The following MYO16 variants were observed in gnomAD, a reference collection of about 807,000 sequenced individuals.
MYO16 encodes the protein unconventional myosin-XVI.
A neutral mutation model predicts 205.3 loss-of-function variants in MYO16; 94 were observed. The ratio of observed to expected loss-of-function variants is 0.46; its 90% CI spans 0.39 to 0.54. The LOEUF is 0.54. Among genes scored for constraint, MYO16 ranks in the 20% least tolerant of loss-of-function variants. MYO16 has a pLI of 0.00. For synonymous variants in MYO16, 988 were observed against 954.0 expected (o/e 1.04, Z -0.66); for missense variants, 2,315 against 2,387.5 (o/e 0.97, Z 0.63).
intron 16 of MYO16, among the ~76,000 whole-genome samples, chr13:108,936,145 C>A (rs982505336): frequency 7.4e-6 from 1 of 134,946 alleles, no homozygotes; most frequent in African/African-American, 2.8e-5. Flanking sequence ...TCCTTCCTTC[C>A]TTCTTTCCTT....
At chr13:108,695,141 T>C (rs1883041364) in intron 2 of MYO16, among the ~76,000 whole-genome samples, 1 of 152,298 alleles carries the variant, frequency 6.6e-6, no homozygotes, top group Non-Finnish European at 1.5e-5. Context: ...AAACAGAGTA[T>C]TAGAGTTTAA....
intron 9 of MYO16, among the ~76,000 whole-genome samples, chr13:108,826,951 A>G (rs1283422431): frequency 6.6e-6 from 1 of 152,166 alleles, no homozygotes; most frequent in Non-Finnish European, 1.5e-5. Context: ...TCAAATGGTG[A>G]GGCAGTGATG....
At chr13:109,003,670 A>G (rs1056624797) in intron 21 of MYO16, among the ~76,000 whole-genome samples, 2 of 152,216 alleles carry the variant, frequency 1.3e-5, no homozygotes, top group African/African-American at 4.8e-5. Context: ...CTTTGATTAA[A>G]CCAGGGGATC....
intron 7 of MYO16, among the ~76,000 whole-genome samples, chr13:108,807,294 CATT>C (rs1168053348): frequency 6.6e-6 from 1 of 151,860 alleles, no homozygotes; most frequent in Non-Finnish European, 1.5e-5. Context: ...AGAGACTAAT[CATT>C]ATGTAAAATA....
intron 23 of MYO16, 81 bp from the exon 24 acceptor site, chr13:109,046,835 G>A (rs1355651124): frequency 3.9e-5 from 46 of 1,178,934 alleles, no homozygotes; most frequent in Non-Finnish European, 5.4e-5. Context: ...AACTTCAGCT[G>A]GGTCAAGTTA....
At chr13:108,953,066 C>T (rs1410607411) in intron 16 of MYO16, among the ~76,000 whole-genome samples, 1 of 151,974 alleles carries the variant, frequency 6.6e-6, no homozygotes, top group Non-Finnish European at 1.5e-5. Flanking sequence ...CATTACCCAC[C>T]ATTATTCTTA....
intron 16 of MYO16, among the ~76,000 whole-genome samples, chr13:108,935,458 A>G (rs1450732765): frequency 6.6e-6 from 1 of 152,134 alleles, no homozygotes; most frequent in Non-Finnish European, 1.5e-5. Context: ...TTTTCTACAT[A>G]ACTTTCATAT....
At chr13:109,115,967 AAAC>A (rs142590391) in intron 28 of MYO16, among the ~76,000 whole-genome samples, 12,062 of 151,230 alleles carry the variant, frequency 0.08, 958 homozygotes, top group East Asian at 0.43. Context: ...CATCTCAAAA[AAAC>A]AAACAAACAA....
intron 2 of MYO16, among the ~76,000 whole-genome samples, chr13:108,703,957 TAAG>T (rs1308181277): frequency 4.6e-5 from 7 of 152,152 alleles, no homozygotes; most frequent in Non-Finnish European, 1.5e-5. Context: ...ACTGGTGTTT[TAAG>T]AAGAACAAGT....
chr13:108,583,957 T>G, the MYO16 span, among the ~76,000 whole-genome samples: 1 of 152,178 alleles, frequency 6.6e-6, no homozygotes, highest in Non-Finnish European at 1.5e-5. Context: ...AAGTAGTTTT[T>G]TGTTTTTTGT....
At chr13:108,548,124 G>T in the MYO16 span, among the ~76,000 whole-genome samples, 3 of 151,848 alleles carry the variant, frequency 2.0e-5, no homozygotes, top group Non-Finnish European at 4.4e-5. Flanking sequence ...TAGCTCGTTT[G>T]TTTTGAGGAT....
chr13:108,681,657 T>C (rs1882468123), intron 2 of MYO16, among the ~76,000 whole-genome samples: 1 of 152,052 alleles, frequency 6.6e-6, no homozygotes, highest in Admixed American at 6.6e-5. Flanking sequence ...ACTCTGCTAG[T>C]AGTGCTGTTC....
intron 16 of MYO16, among the ~76,000 whole-genome samples, chr13:108,957,383 C>CAAAAAAAAAAAA (rs33954239): frequency 2.1e-5 from 2 of 96,938 alleles, no homozygotes; most frequent in African/African-American, 4.3e-5. Context: ...AACTCCATCT[C>CAAAAAAAAAAAA]AAAAAAAAAA....
At chr13:108,986,476 G>C (rs1884638197) in intron 20 of MYO16, among the ~76,000 whole-genome samples, 1 of 151,806 alleles carries the variant, frequency 6.6e-6, no homozygotes, top group Non-Finnish European at 1.5e-5. Context: ...AACAAAATTA[G>C]CTGTGTGTGG....
the MYO16 span, among the ~76,000 whole-genome samples, chr13:108,570,019 C>T: frequency 6.6e-6 from 1 of 152,026 alleles, no homozygotes; most frequent in Non-Finnish European, 1.5e-5. Flanking sequence ...CAAATGTTCC[C>T]GGATTTCATA....
the MYO16 span, among the ~76,000 whole-genome samples, chr13:108,570,397 C>T: frequency 2.6e-5 from 4 of 152,104 alleles, no homozygotes; most frequent in African/African-American, 9.7e-5. Context: ...TACAAGTGTG[C>T]ACCACCATAG....
At chr13:108,777,182 G>A (rs566125383) in intron 4 of MYO16, among the ~76,000 whole-genome samples, 2 of 151,976 alleles carry the variant, frequency 1.3e-5, no homozygotes, top group African/African-American at 2.4e-5. Context: ...GAGGGGCACC[G>A]GGATTGAATC....
Position 109,140,874 on chromosome 13 carries a change from G to C in MYO16, c.4662G>C (p.Pro1554=), listed in dbSNP as rs767471757. Residue 1554 remains proline, a synonymous_variant, in exon 32 of 35, where the codon CCG becomes CCC. Coordinates refer to ENST00000457511, the MANE Select transcript of MYO16 (RefSeq NM_001198950.3). This position sits in a 1 kb window ranked among gnomAD's most constrained non-coding sequence, Gnocchi z 8.0. ...CCAACCTCAAGTACCCCGTGCAGCC[G>C]GAGGGGTCGAGCCCGCTGTCCCCGC... ...LETNLKYPVQ[P]EGSSPLSPQY... The C allele has an allele frequency of 1.2e-5, 19 of 1,595,742 alleles. No individual in the cohort carries two copies. In the East Asian group the frequency reaches 1.6e-4, roughly 14 times the overall value.
chr13:108,672,262 A>G (rs1266331382), intron 2 of MYO16, among the ~76,000 whole-genome samples: 4 of 152,212 alleles, frequency 2.6e-5, no homozygotes, highest in African/African-American at 7.2e-5. Flanking sequence ...ATTTTTATTT[A>G]TCTTTAAGCT....
Sources: gnomAD v4.1 joint callset for allele counts (sites outside exome capture counted in the v4.1 genomes callset) on GRCh38, gnomAD v4.1.1 for gene constraint, Gnocchi (gnomAD v3.1) non-coding constraint, MANE v1.5 for transcripts, NCBI Gene and HGNC (gene_info 2026-07-23, HGNC 2026-07-21) for gene names.